The following PTPRQ variants were observed in gnomAD, a reference collection of about 807,000 sequenced individuals.
PTPRQ encodes the protein phosphatidylinositol phosphatase PTPRQ.
PTPRQ carries 199 observed loss-of-function variants against 246.0 expected under a neutral mutation model. That is an observed-to-expected ratio of 0.81 (90% CI 0.72 to 0.91). The LOEUF (loss-of-function observed/expected upper bound fraction) is 0.91. PTPRQ is among the 40% of genes least tolerant of loss of function. The probability of loss-of-function intolerance (pLI) is 0.00; values close to 1 mark genes in which losing one functional copy is unlikely to be tolerated. For missense variants in PTPRQ, 2,624 were observed against 2,528.4 expected (o/e 1.04, Z -0.81); for synonymous variants, 869 against 853.2 (o/e 1.02, Z -0.32).
intron 17 of PTPRQ, among the ~76,000 whole-genome samples, chr12:80,522,398 T>C (rs1895526549): frequency 6.6e-6 from 1 of 152,152 alleles, no homozygotes; most frequent in Admixed American, 6.6e-5. Context: ...TCCAACACTA[T>C]GTTGAATAGG....
chr12:80,668,880 T>C, intron 39 of PTPRQ, 127 bp from the exon 40 acceptor site: 4 of 1,244,884 alleles, frequency 3.2e-6, no homozygotes, highest in Non-Finnish European at 4.2e-6. Flanking sequence ...TAAGATTATC[T>C]AGTATTTACG....
At position 80,517,016 on chromosome 12, in the gene PTPRQ, G is replaced by A. The variant is rs1193008242; in HGVS notation, c.2678+6573G>A. Among the ~76,000 whole-genome samples, 4 of 152,084 alleles carry A rather than the reference G, an allele frequency of 2.6e-5. No homozygotes were observed. The East Asian group carries it at 7.7e-4, about 29-fold the overall frequency. ...GAATGCTCTTTAGGGCTTAATATGA[G>A]GTTTCTAGTGGGATGACCAATGTTC... is the stretch of plus-strand genomic sequence containing the variant. On this transcript the variant is annotated intron_variant, in intron 17 of 44. Transcript: ENST00000644991.
chr12:80,517,994 T>C (rs1171436788), intron 17 of PTPRQ, among the ~76,000 whole-genome samples: 1 of 152,220 alleles, frequency 6.6e-6, no homozygotes, highest in Non-Finnish European at 1.5e-5. Flanking sequence ...TTTGGCTATA[T>C]ACCCAGCAGT....
intron 39 of PTPRQ, among the ~76,000 whole-genome samples, chr12:80,667,245 G>A (rs867294178): frequency 1.1e-4 from 16 of 151,556 alleles, no homozygotes; most frequent in Admixed American, 7.9e-4. Context: ...CTTTTCCCCC[G>A]AATCCTGCAG....
At chr12:80,447,175 A>G (rs1158740517) in intron 3 of PTPRQ, among the ~76,000 whole-genome samples, 1 of 151,846 alleles carries the variant, frequency 6.6e-6, no homozygotes, top group Non-Finnish European at 1.5e-5. Context: ...AGCATTTTTT[A>G]TATACTTACT....
At chr12:80,496,600 A>G in intron 14 of PTPRQ, 69 bp downstream of exon 14, 3 of 1,469,048 alleles carry the variant, frequency 2.0e-6, no homozygotes, top group Non-Finnish European at 2.7e-6. Context: ...GATAATCGCC[A>G]TGTTGTTTAC....
intron 25 of PTPRQ, among the ~76,000 whole-genome samples, chr12:80,577,033 C>T (rs537369655): frequency 6.6e-5 from 10 of 152,270 alleles, no homozygotes; most frequent in Non-Finnish European, 7.4e-5. Context: ...TCTAATTAGT[C>T]TTCTAAGAAC....
chr12:80,594,599 T>A (rs578058950), intron 26 of PTPRQ, among the ~76,000 whole-genome samples: 1 of 152,226 alleles, frequency 6.6e-6, no homozygotes, highest in South Asian at 2.1e-4. Flanking sequence ...CCACCTTCCC[T>A]TGCAAGTCTT....
chr12:80,679,056 T>C lies in PTPRQ; in HGVS notation c.*33T>C, dbSNP rs137893330. On this transcript the variant is annotated 3_prime_UTR_variant, in exon 45 of 45. Coordinates refer to ENST00000644991, the MANE Select transcript of PTPRQ (RefSeq NM_001145026.2). ...GACCAAAGGATACAATTGGAAGAGA[T>C]TTTTAAATCCCAGGGGCCAAAGTTA... 3.9e-6 allele frequency: 6 copies of C among 1,535,632 alleles called. No individual in the cohort carries two copies. In the South Asian group the frequency reaches 6.2e-5, roughly 16 times the overall value.
chr12:80,554,044 A>ATGGTTT (rs891866285), intron 25 of PTPRQ, among the ~76,000 whole-genome samples: 4 of 147,998 alleles, frequency 2.7e-5, no homozygotes, highest in African/African-American at 7.5e-5. Context: ...GTGTAGAATG[A>ATGGTTT]TGGTTTCCAG....
At position 80,640,120 on chromosome 12, in the gene PTPRQ, G is replaced by A. The variant is rs1373789570; in HGVS notation, c.5915+5047G>A. Among the ~76,000 whole-genome samples the A allele has an allele frequency of 2.0e-5, 3 of 151,688 alleles. 1 individual carries two copies. Among genetic ancestry groups the A allele is most frequent in the Middle Eastern group, 6.8e-3 (2 of 294 alleles). On this transcript the variant is annotated intron_variant, in intron 35 of 44. Coordinates refer to ENST00000644991, the MANE Select transcript of PTPRQ (RefSeq NM_001145026.2). ...ATGTAAACTTTCTTAAATAGACAAA[G>A]ACCCATGGAATTCTTCCTCAGCAGC...
chr12:80,593,344 CAT>C (rs1273606930), intron 26 of PTPRQ, among the ~76,000 whole-genome samples: 1 of 151,974 alleles, frequency 6.6e-6, no homozygotes, highest in Non-Finnish European at 1.5e-5. Context: ...AATCAGAAAA[CAT>C]GTTATCATTA....
At position 80,567,203 on chromosome 12, in the gene PTPRQ, G is replaced by T. The variant is rs532746623; in HGVS notation, c.4285+17469G>T. On this transcript the variant is annotated intron_variant, in intron 25 of 44. Coordinates refer to ENST00000644991, the MANE Select transcript of PTPRQ (RefSeq NM_001145026.2). ...GAGAAATATAGTAAAGCCCATGATT[G>T]TTTTTCTATTAAAAATCTACATTTA... Among the ~76,000 whole-genome samples, 5 of 152,242 alleles carry T rather than the reference G, an allele frequency of 3.3e-5. No homozygotes were observed. The South Asian group carries it at 1.0e-3, about 32-fold the overall frequency.
chr12:80,588,209 A>G lies in PTPRQ; in HGVS notation c.4366A>G (p.Ile1456Val), dbSNP rs1400886221. 6.4e-7 allele frequency: 1 copy of G among 1,551,620 alleles called. No homozygotes were observed. The highest frequency in any genetic ancestry group is 2.0e-5 in the Admixed American group (1 of 51,010). ...ATLTWIRPDT[I>V]LGYFQNYKIT... is the part of the protein sequence containing the mutation. ...ATTGACATGGATAAGACCTGACACTATCCTTGGCTACTTTCAAAATTACAA... is the reference window on the plus strand; with the variant it reads ...ATTGACATGGATAAGACCTGACACTGTCCTTGGCTACTTTCAAAATTACAA... Residue 1456 changes from isoleucine (I) to valine (V), a missense_variant, in exon 26 of 45, where the codon ATC becomes GTC. Physicochemically the swap from Ile to Val is conservative, Grantham distance 29. Coordinates refer to ENST00000644991, the MANE Select transcript of PTPRQ (RefSeq NM_001145026.2).
At chr12:80,476,452 G>C (rs1041020063) in intron 8 of PTPRQ, among the ~76,000 whole-genome samples, 1 of 152,098 alleles carries the variant, frequency 6.6e-6, no homozygotes, top group Non-Finnish European at 1.5e-5. Context: ...TCAGTGTGTT[G>C]AATGATGAAT....
At chr12:80,476,574 A>G (rs181061167) in intron 8 of PTPRQ, among the ~76,000 whole-genome samples, 9 of 152,360 alleles carry the variant, frequency 5.9e-5, no homozygotes, top group Admixed American at 5.9e-4. Flanking sequence ...CATAGTTACT[A>G]TAAAGCCAAC....
At chr12:80,498,115 T>C (rs1007906611) in intron 14 of PTPRQ, among the ~76,000 whole-genome samples, 8 of 152,086 alleles carry the variant, frequency 5.3e-5, no homozygotes, top group African/African-American at 1.9e-4. Context: ...ACTTAATTGA[T>C]ATTAATCCAT....
rs913422572 is a variant in PTPRQ, at chr12:80,680,133, A to G, written c.*1110A>G. On this transcript the variant is annotated 3_prime_UTR_variant, in exon 45 of 45. Transcript: ENST00000644991. The stretch of plus-strand genomic sequence containing the variant: ...GGTAAGTTTTGAATTACATGAACTC[A>G]TTTTGTCATAGATTTCAATTAAGAG... 5.3e-5 allele frequency: 8 copies of G among 151,888 alleles called. No homozygotes were observed. The highest frequency in any genetic ancestry group is 5.3e-4 in the Admixed American group (8 of 15,220). 9.4% of individuals were successfully genotyped at this position (151,888 alleles called of 1,614,324 possible). A position where few individuals can be genotyped will look rare whatever the true frequency, so the allele number is the denominator to read the frequency against.
At chr12:80,644,243 G>A (rs1160364738) in intron 35 of PTPRQ, among the ~76,000 whole-genome samples, 3 of 152,136 alleles carry the variant, frequency 2.0e-5, no homozygotes, top group East Asian at 1.9e-4. Flanking sequence ...GAGTCCAGAC[G>A]TGAAATAAGA....
Sources: gnomAD v4.1 joint callset for allele counts (sites outside exome capture counted in the v4.1 genomes callset) on GRCh38, gnomAD v4.1.1 for gene constraint, MANE v1.5 for transcripts, NCBI Gene and HGNC (gene_info 2026-07-23, HGNC 2026-07-21) for gene names.